The following CREB5 variants were observed in gnomAD, a reference collection of about 807,000 sequenced individuals.
CREB5 encodes the protein cAMP responsive element binding protein 5.
Under a neutral mutation model 57.1 loss-of-function variants are expected in CREB5, and 19 were observed. That is an observed-to-expected ratio of 0.33 (90% CI 0.23 to 0.49). CREB5 has a LOEUF of 0.49. Ranked by LOEUF, CREB5 falls within the 20% of genes least tolerant of loss-of-function variation. The probability of loss-of-function intolerance (pLI) is 0.99; values close to 1 mark genes in which losing one functional copy is unlikely to be tolerated. For missense variants in CREB5, 579 were observed against 671.6 expected, an observed-to-expected ratio of 0.86 and a Z score of 1.52; for synonymous variants, 238 against 238.3, an observed-to-expected ratio of 1.00 and a Z score of 0.01.
At chr7:28,621,614 A>G (rs991077460) in intron 5 of CREB5, among the ~76,000 whole-genome samples, 1 of 152,160 alleles carries the variant, frequency 6.6e-6, no homozygotes, top group African/African-American at 2.4e-5. Context: ...CAAGGTTAGT[A>G]GATAGAATTC....
intron 5 of CREB5, among the ~76,000 whole-genome samples, chr7:28,704,838 T>TTG (rs374192661): frequency 6.6e-6 from 1 of 152,110 alleles, no homozygotes; most frequent in African/African-American, 2.4e-5. Context: ...CAGCCATTTT[T>TTG]TGTGTGTGTG....
intron 1 of CREB5, among the ~76,000 whole-genome samples, chr7:28,317,745 A>C (rs1785410135): frequency 6.6e-6 from 1 of 152,228 alleles, no homozygotes; most frequent in Non-Finnish European, 1.5e-5. Context: ...AATATTTTTC[A>C]ATAATAATGT....
chr7:28,682,388 T>G (rs906238778), intron 5 of CREB5, among the ~76,000 whole-genome samples: 3 of 152,318 alleles, frequency 2.0e-5, no homozygotes, highest in East Asian at 1.9e-4. Flanking sequence ...GGGTGTGCAG[T>G]GGTCTGTGAC....
At chr7:28,705,507 C>T (rs141886577) in intron 5 of CREB5, among the ~76,000 whole-genome samples, 3 of 152,232 alleles carry the variant, frequency 2.0e-5, no homozygotes, top group Admixed American at 1.3e-4. Flanking sequence ...AGTCACTTTC[C>T]GTTTCTATTT....
At chr7:28,465,715 T>A (rs1790534716) in intron 1 of CREB5, among the ~76,000 whole-genome samples, 1 of 152,172 alleles carries the variant, frequency 6.6e-6, no homozygotes, top group Admixed American at 6.5e-5. Flanking sequence ...CAAAATTAAA[T>A]TAGTGTTTGG....
At chr7:28,722,710 T>C (rs1803111643) in intron 6 of CREB5, among the ~76,000 whole-genome samples, 1 of 152,176 alleles carries the variant, frequency 6.6e-6, no homozygotes, top group Non-Finnish European at 1.5e-5. Flanking sequence ...TGCTTGGAAA[T>C]GTACAGAAAA....
intron 8 of CREB5, 27 bp downstream of exon 8, chr7:28,804,549 CCTT>C (rs1808589768): frequency 1.2e-6 from 2 of 1,607,194 alleles, no homozygotes; most frequent in Admixed American, 1.7e-5. Context: ...ATCTCTTTCC[CCTT>C]CTTATTCTCC....
At chr7:28,448,204 C>T (rs111644171) in intron 1 of CREB5, among the ~76,000 whole-genome samples, 2 of 152,218 alleles carry the variant, frequency 1.3e-5, no homozygotes, top group African/African-American at 2.4e-5. Context: ...GAACATCAGA[C>T]TCCAAGTTCT....
chr7:28,558,937 A>G (rs1294415083), intron 4 of CREB5, among the ~76,000 whole-genome samples: 4 of 152,146 alleles, frequency 2.6e-5, no homozygotes, highest in East Asian at 1.9e-4. Flanking sequence ...AGAATAGGCC[A>G]TTTGCCTCTT....
rs145266352 is a variant in CREB5, at chr7:28,562,679, T to G, written c.292-7686T>G. Reference sequence around the variant, plus strand: ...AGCTGCCTATGCATGCAGCATGACTTTTAGATAAGGGACACTAATCAGACA... The same window carrying G: ...AGCTGCCTATGCATGCAGCATGACTGTTAGATAAGGGACACTAATCAGACA... On this transcript the variant is annotated intron_variant, in intron 4 of 10. Transcript: ENST00000357727. 1.1e-3 allele frequency among the ~76,000 whole-genome samples: 161 copies of G among 152,342 alleles called. No homozygotes were observed. The East Asian group carries it at 0.023, about 22-fold the overall frequency.
chr7:28,608,113 T>TCA lies in CREB5; in HGVS notation c.464+37584_464+37585dup, dbSNP rs61349634. Among the ~76,000 whole-genome samples the TCA allele has an allele frequency of 3.3e-4, 47 of 143,176 alleles. 1 individual carries two copies. Among genetic ancestry groups the TCA allele is most frequent in the East Asian group, 1.5e-3 (7 of 4,668 alleles). The allele number at this position is 143,176 out of a possible 152,430, so 93.9% of individuals were successfully genotyped here. ...CTCTCTGTCTCTCTCTCTCTCTCTC[T>TCA]CACACACACTCACACACACACACAC... On this transcript the variant is annotated intron_variant, in intron 5 of 10. Coordinates refer to ENST00000357727, the MANE Select transcript of CREB5 (RefSeq NM_182898.4).
intron 7 of CREB5, among the ~76,000 whole-genome samples, chr7:28,741,037 T>G (rs1013872097): frequency 1.3e-5 from 2 of 151,984 alleles, no homozygotes; most frequent in Admixed American, 1.3e-4. Context: ...TTAACTGATT[T>G]CTACTTGACT....
At chr7:28,525,561 C>T (rs910400677) in intron 4 of CREB5, among the ~76,000 whole-genome samples, 5 of 151,962 alleles carry the variant, frequency 3.3e-5, no homozygotes, top group African/African-American at 7.3e-5. Context: ...TTTTGATTTG[C>T]GTTACCCTGA....
chr7:28,659,377 A>C (rs544417365), intron 5 of CREB5, among the ~76,000 whole-genome samples: 2 of 152,134 alleles, frequency 1.3e-5, no homozygotes, highest in Non-Finnish European at 2.9e-5. Flanking sequence ...ATTTTTTCCA[A>C]TTATGAGGAA....
upstream of CREB5, among the ~76,000 whole-genome samples, chr7:28,407,705 T>C (rs180722090): frequency 4.6e-5 from 7 of 152,324 alleles, no homozygotes; most frequent in Non-Finnish European, 8.8e-5. Flanking sequence ...CAAACAGTCA[T>C]CAGTCCCTGT....
At chr7:28,767,550 G>C (rs1806072088) in intron 7 of CREB5, among the ~76,000 whole-genome samples, 2 of 152,170 alleles carry the variant, frequency 1.3e-5, no homozygotes, top group Admixed American at 1.3e-4. Context: ...AAGACTCAGA[G>C]TTTCCAAGAT....
chr7:28,676,244 G>A (rs1800317628), intron 5 of CREB5, among the ~76,000 whole-genome samples: 1 of 152,096 alleles, frequency 6.6e-6, no homozygotes, highest in Non-Finnish European at 1.5e-5. Flanking sequence ...ACAGATTATT[G>A]CATTATTACT....
chr7:28,442,776 CAG>C (rs1379284018), intron 1 of CREB5, among the ~76,000 whole-genome samples: 1 of 152,140 alleles, frequency 6.6e-6, no homozygotes, highest in African/African-American at 2.4e-5. Context: ...GACTCAATAT[CAG>C]AGTTTATCTT....
At chr7:28,533,541 T>C (rs1285219810) in intron 4 of CREB5, among the ~76,000 whole-genome samples, 1 of 152,208 alleles carries the variant, frequency 6.6e-6, no homozygotes, top group Non-Finnish European at 1.5e-5. Context: ...CCACAGGATT[T>C]CCGGAAGGAC....
Sources: allele counts gnomAD v4.1 joint callset (sites outside exome capture counted in the v4.1 genomes callset), GRCh38; gene constraint gnomAD v4.1.1; transcripts MANE v1.5; gene names NCBI Gene and HGNC (gene_info 2026-07-23, HGNC 2026-07-21).